LYRM7: variants seen among roughly 807,000 people sequenced by gnomAD.
The protein encoded by LYRM7 is complex III assembly factor LYRM7.
LYRM7 carries 9 observed loss-of-function variants against 15.8 expected under a neutral mutation model. That is an observed-to-expected ratio of 0.57 (90% CI 0.34 to 0.99). The LOEUF (loss-of-function observed/expected upper bound fraction) is 0.99. Among genes scored for constraint, LYRM7 ranks in the 50% least tolerant of loss-of-function variants. The pLI is 0.02. For synonymous variants in LYRM7, 39 were observed against 39.4 expected (o/e 0.99, Z 0.04); for missense variants, 115 against 119.1 (o/e 0.97, Z 0.16).
intron 4 of LYRM7, among the ~76,000 whole-genome samples, chr5:131,197,642 A>C (rs1018442766): frequency 2.7e-5 from 4 of 149,526 alleles, no homozygotes; most frequent in African/African-American, 9.9e-5. Flanking sequence ...CCTGGGCTCA[A>C]GCAATCCTCC....
intron 3 of LYRM7, among the ~76,000 whole-genome samples, chr5:131,184,398 G>C (rs1755760445): frequency 1.3e-5 from 2 of 152,054 alleles, no homozygotes; most frequent in Non-Finnish European, 2.9e-5. Context: ...GTAGAGAGGA[G>C]GTCTTGCTTT....
rs1018535957 is a variant in LYRM7 at position 131,201,475 on chromosome 5, G to C, written c.*1874G>C. On this transcript the variant is annotated 3_prime_UTR_variant, in exon 5 of 5. Transcript: ENST00000379380. ...CTCACGCCTGTAATCCCAGCACTTTGGGAGGCCGAGGCAGGCAGATCACCT... is the reference window on the plus strand; with the variant it reads ...CTCACGCCTGTAATCCCAGCACTTTCGGAGGCCGAGGCAGGCAGATCACCT... The C allele has an allele frequency of 5.2e-5, 8 of 152,500 alleles. No individual in the cohort carries two copies. The highest frequency in any genetic ancestry group is 1.9e-4 in the African/African-American group (8 of 41,566). 9.4% of individuals were successfully genotyped at this position (152,500 alleles called of 1,614,324 possible).
chr5:131,189,024 G>GT (rs1435490064), intron 4 of LYRM7, among the ~76,000 whole-genome samples: 1 of 149,940 alleles, frequency 6.7e-6, no homozygotes. Context: ...GCGCATGCCT[G>GT]TAATTCCAGC....
intron 2 of LYRM7, among the ~76,000 whole-genome samples, chr5:131,181,381 A>ATAAT (rs552588384): frequency 0.016 from 1,248 of 76,454 alleles, 94 homozygotes; most frequent in African/African-American, 0.11. Context: ...ATGTATATAT[A>ATAAT]ATATATACAT....
Position 131,184,504 on chromosome 5 carries a change from G to A in LYRM7, c.162+2205G>A, listed in dbSNP as rs140303953. ...TTACAGGCATAAGCCACGTAATTGT[G>A]AATATTTTTTAATACTACGCCTTGA... On this transcript the variant is annotated intron_variant, in intron 3 of 4. Coordinates refer to ENST00000379380, the MANE Select transcript of LYRM7 (RefSeq NM_181705.4). Among the ~76,000 whole-genome samples, 549 of 152,198 alleles carry A rather than the reference G, an allele frequency of 3.6e-3. 4 individuals carry two copies. Among genetic ancestry groups the A allele is most frequent in the African/African-American group, 0.013 (533 of 41,526 alleles).
At chr5:131,186,957 C>T (rs1033264409) in intron 3 of LYRM7, 71 bp from the exon 4 acceptor site, 4 of 831,900 alleles carry the variant, frequency 4.8e-6, no homozygotes, top group East Asian at 2.7e-5. Context: ...GTAAAACTAT[C>T]GTTTTCAAAA....
intron 4 of LYRM7, among the ~76,000 whole-genome samples, chr5:131,196,812 C>G (rs530786611): frequency 1.3e-5 from 2 of 151,966 alleles, no homozygotes; most frequent in Admixed American, 6.6e-5. Flanking sequence ...TGCCTGCCAC[C>G]ACGCCCAGCT....
intron 4 of LYRM7, among the ~76,000 whole-genome samples, chr5:131,197,846 C>CTG (rs56146861): frequency 0.011 from 1,506 of 143,364 alleles, 13 homozygotes; most frequent in African/African-American, 0.022. Flanking sequence ...CATCTGGCCA[C>CTG]TGTGTGTGTG....
chr5:131,171,786 G>A (rs1755526913), intron 1 of LYRM7: 2 of 152,182 alleles, frequency 1.3e-5, no homozygotes, highest in Non-Finnish European at 1.5e-5. Flanking sequence ...AAGAAAAGCA[G>A]TGTTTATGTC....
intron 2 of LYRM7, among the ~76,000 whole-genome samples, chr5:131,181,101 G>T (rs1006088380): frequency 2.7e-5 from 4 of 149,574 alleles, no homozygotes; most frequent in Non-Finnish European, 5.9e-5. Context: ...GACCAGCCTG[G>T]CCAACATGGT....
rs1756043892 is a variant in LYRM7, at chr5:131,200,498, ATTC to A, written c.*903_*905del. On this transcript the variant is annotated 3_prime_UTR_variant, in exon 5 of 5. Coordinates refer to ENST00000379380, the MANE Select transcript of LYRM7 (RefSeq NM_181705.4). ...TAGGAACTGTAAAATACTGTTTAAT[ATTC>A]TTCTTGTTTCTCTTTTATCTGTGTA... 7.2e-5 allele frequency: 11 copies of A among 152,484 alleles called. No homozygotes were observed. In the South Asian group the frequency reaches 2.3e-3, roughly 32 times the overall value. 9.4% of individuals were successfully genotyped at this position (152,484 alleles called of 1,614,324 possible).
chr5:131,175,340 C>G (rs1299358785), intron 1 of LYRM7, among the ~76,000 whole-genome samples: 1 of 151,744 alleles, frequency 6.6e-6, no homozygotes, highest in Non-Finnish European at 1.5e-5. Context: ...GCTGGGATTG[C>G]AGGCATGCAC....
In LYRM7 at chr5:131,190,521, G is replaced by A. The variant is rs181621847; in HGVS notation, c.244+3412G>A. Among the ~76,000 whole-genome samples, 13 of 140,806 alleles carry A rather than the reference G, an allele frequency of 9.2e-5. No homozygotes were observed. The East Asian group carries it at 2.5e-3, about 27-fold the overall frequency. The allele number at this position is 140,806 out of a possible 152,430, so 92.4% of individuals were successfully genotyped here. On this transcript the variant is annotated intron_variant, in intron 4 of 4. Transcript: ENST00000379380. ...TTTTTTTTCTTTGAAACGGATTTTCGCTCTCGTCACCTAGGCTGGTGTACA... is the reference window on the plus strand; with the variant it reads ...TTTTTTTTCTTTGAAACGGATTTTCACTCTCGTCACCTAGGCTGGTGTACA...
chr5:131,180,551 C>T (rs1755674628), intron 2 of LYRM7, among the ~76,000 whole-genome samples: 1 of 152,120 alleles, frequency 6.6e-6, no homozygotes, highest in African/African-American at 2.4e-5. Flanking sequence ...AAAGAGAATC[C>T]ATCCCAAATG....
intron 3 of LYRM7, among the ~76,000 whole-genome samples, chr5:131,185,291 C>A (rs1490872779): frequency 2.6e-5 from 4 of 152,182 alleles, no homozygotes; most frequent in Non-Finnish European, 1.5e-5. Flanking sequence ...TGTTACCTTG[C>A]CACCTCAACT....
rs1441611947 is a variant in LYRM7, at chr5:131,203,882, A to G, written c.*4281A>G. On this transcript the variant is annotated 3_prime_UTR_variant, in exon 5 of 5. Coordinates refer to ENST00000379380, the MANE Select transcript of LYRM7 (RefSeq NM_181705.4). The stretch of plus-strand genomic sequence containing the variant: ...GTTAGCAAAACATAACTCAATGGAA[A>G]GATAGGCAAATGATACAAATAAGAA... 2 of 152,386 alleles carry G rather than the reference A, an allele frequency of 1.3e-5. No homozygotes were observed. The highest frequency in any genetic ancestry group is 6.5e-5 in the Admixed American group (1 of 15,286). 9.4% of individuals were successfully genotyped at this position (152,386 alleles called of 1,614,324 possible).
At chr5:131,178,961 CAAAAAAAAAAA>C (rs58612746) in intron 1 of LYRM7, among the ~76,000 whole-genome samples, 1 of 62,944 alleles carries the variant, frequency 1.6e-5, no homozygotes, top group Non-Finnish European at 3.2e-5. Context: ...GACTCCGTCT[CAAAAAAAAAAA>C]AAAAAAAAAA....
At position 131,171,133 on chromosome 5, in the gene LYRM7, T is replaced by C. The variant is rs903029939; in HGVS notation, c.18+95T>C. 4.7e-6 allele frequency: 6 copies of C among 1,270,580 alleles called. No individual in the cohort carries two copies. The African/African-American group carries it at 7.9e-5, about 17-fold the overall frequency. 78.7% of individuals were successfully genotyped at this position (1,270,580 alleles called of 1,614,324 possible). A position where few individuals can be genotyped will look rare whatever the true frequency, so the allele number is the denominator to read the frequency against. ...GTCTGGAGTCTCTGGAGGCTGGGGC[T>C]CCTGACCCTTTATGGAGGATGTGGC... On this transcript the variant is annotated intron_variant, in intron 1 of 4. Coordinates refer to ENST00000379380, the MANE Select transcript of LYRM7 (RefSeq NM_181705.4).
At chr5:131,185,610 C>T (rs1199047148) in intron 3 of LYRM7, among the ~76,000 whole-genome samples, 1 of 152,092 alleles carries the variant, frequency 6.6e-6, no homozygotes, top group Non-Finnish European at 1.5e-5. Context: ...TTATATCTAT[C>T]AATACTAATA....
Sources: gnomAD v4.1 joint callset for allele counts (sites outside exome capture counted in the v4.1 genomes callset) on GRCh38, gnomAD v4.1.1 for gene constraint, MANE v1.5 for transcripts, NCBI Gene and HGNC (gene_info 2026-07-23, HGNC 2026-07-21) for gene names.